ADAT2: variants seen among roughly 807,000 people sequenced by gnomAD.
The protein encoded by ADAT2 is adenosine deaminase tRNA specific 2.
Under a neutral mutation model 25.9 loss-of-function variants are expected in ADAT2, and 26 were observed. The observed-to-expected ratio is 1.00, with a 90% CI of 0.74 to 1.39. The LOEUF (loss-of-function observed/expected upper bound fraction) is 1.39, where lower values mean the gene tolerates loss of function less well. Ranked by LOEUF, ADAT2 falls within the 40% of genes most tolerant of loss-of-function variation. The pLI, the probability that ADAT2 is intolerant of heterozygous loss-of-function variation, is 0.00. For synonymous variants in ADAT2, 76 were observed against 86.8 expected, an observed-to-expected ratio of 0.88 and a Z score of 0.69; for missense variants, 220 against 244.8, an observed-to-expected ratio of 0.90 and a Z score of 0.68.
In ADAT2 at chr6:143,427,603, A is replaced by G. The variant is rs1246854055; in HGVS notation, c.*860T>C. 6.6e-6 allele frequency: 1 copy of G among 152,230 alleles called. No individual in the cohort carries two copies. The highest frequency in any genetic ancestry group is 2.4e-5 in the African/African-American group (1 of 41,470). 9.4% of individuals were successfully genotyped at this position (152,230 alleles called of 1,614,324 possible). On this transcript the variant is annotated 3_prime_UTR_variant, in exon 6 of 6. Coordinates refer to ENST00000237283, the MANE Select transcript of ADAT2 (RefSeq NM_182503.3). ...AAATTGATCATTCTATTTTTCAGTC[A>G]GCATTCTCACCACCAAATGGCACCT...
intron 2 of ADAT2, among the ~76,000 whole-genome samples, chr6:143,435,108 C>A (rs56336947): frequency 7.0e-6 from 1 of 142,714 alleles, no homozygotes; most frequent in Non-Finnish European, 1.5e-5. Flanking sequence ...AGGTACTTTA[C>A]AGAAGAGGTT....
Position 143,428,803 on chromosome 6 carries a change from G to A in ADAT2, c.460-119C>T. The A allele has an allele frequency of 1.1e-6, 1 of 936,922 alleles. No individual in the cohort carries two copies. Among genetic ancestry groups the A allele is most frequent in the Non-Finnish European group, 1.6e-6 (1 of 629,662 alleles). The allele number at this position is 936,922 out of a possible 1,614,324, so 58.0% of individuals were successfully genotyped here. A position where few individuals can be genotyped will look rare whatever the true frequency, so the allele number is the denominator to read the frequency against. ...CAGATTTCAGATGTTAATAAACTTTGGGGATATTAGTAACATGGGTAAGGA... is the reference window on the plus strand; with the variant it reads ...CAGATTTCAGATGTTAATAAACTTTAGGGATATTAGTAACATGGGTAAGGA... On this transcript the variant is annotated intron_variant, in intron 4 of 5. Transcript: ENST00000237283. This position sits in a 1 kb window ranked among gnomAD's most constrained non-coding sequence, Gnocchi z 5.0.
rs759872182 is a variant in ADAT2 at position 143,429,093 on chromosome 6, CA to C, written c.460-410del. On this transcript the variant is annotated intron_variant, in intron 4 of 5. Coordinates refer to ENST00000237283, the MANE Select transcript of ADAT2 (RefSeq NM_182503.3). ...AGGCACATCATAAGTGCTCATTAAGCATTAGTTATTTTTATCTGCTCCTATT... is the reference window on the plus strand; with the variant it reads ...AGGCACATCATAAGTGCTCATTAAGCTTAGTTATTTTTATCTGCTCCTATT... 3.9e-5 allele frequency among the ~76,000 whole-genome samples: 6 copies of C among 152,320 alleles called. No individual in the cohort carries two copies. In the East Asian group the frequency reaches 7.7e-4, roughly 20 times the overall value.
At chr6:143,450,229 C>T (rs1281453776) in intron 1 of ADAT2, among the ~76,000 whole-genome samples, 2 of 152,086 alleles carry the variant, frequency 1.3e-5, no homozygotes, top group Non-Finnish European at 2.9e-5. Flanking sequence ...GGGCCAAAAC[C>T]TCAAATAATG....
In ADAT2 at chr6:143,423,548, G is replaced by A. The variant is rs1778840943; in HGVS notation, c.*4915C>T. On this transcript the variant is annotated 3_prime_UTR_variant, in exon 6 of 6. Coordinates refer to ENST00000237283, the MANE Select transcript of ADAT2 (RefSeq NM_182503.3). ...TTAAGGTAAGGAAGACTTAATTCAG[G>A]ACTACAGTGATAGGTTTTAAAACTA... 6.6e-6 allele frequency: 1 copy of A among 152,142 alleles called. No individual in the cohort carries two copies. Among genetic ancestry groups the A allele is most frequent in the South Asian group, 2.1e-4 (1 of 4,828 alleles). 9.4% of individuals were successfully genotyped at this position (152,142 alleles called of 1,614,324 possible). A position where few individuals can be genotyped will look rare whatever the true frequency, so the allele number is the denominator to read the frequency against.
chr6:143,428,969 C>T lies in ADAT2; in HGVS notation c.460-285G>A, dbSNP rs1029041818. Reference sequence around the variant, plus strand: ...CAGCTTTGTGATCTTGGGTTAGGCACTTAAACTCTCCATGCCTTATTTATA... The same window carrying T: ...CAGCTTTGTGATCTTGGGTTAGGCATTTAAACTCTCCATGCCTTATTTATA... On this transcript the variant is annotated intron_variant, in intron 4 of 5. Transcript: ENST00000237283. The surrounding 1 kb of genome is among the most constrained non-coding windows in gnomAD (Gnocchi z 5.0). 2.0e-5 allele frequency among the ~76,000 whole-genome samples: 3 copies of T among 152,180 alleles called. No individual in the cohort carries two copies. The highest frequency in any genetic ancestry group is 4.8e-5 in the African/African-American group (2 of 41,430).
In ADAT2 at chr6:143,438,555, T is replaced by C. The variant is rs759194243; in HGVS notation, c.201+35A>G. 3.9e-6 allele frequency: 6 copies of C among 1,522,878 alleles called. No homozygotes were observed. The East Asian group carries it at 9.0e-5, about 23-fold the overall frequency. The allele number at this position is 1,522,878 out of a possible 1,614,324, so 94.3% of individuals were successfully genotyped here. A position where few individuals can be genotyped will look rare whatever the true frequency, so the allele number is the denominator to read the frequency against. ...TTCTCTCCAGTCCACCCATCACTACTGTATGTTTGCAATTATACTGCTCAA... is the reference window on the plus strand; with the variant it reads ...TTCTCTCCAGTCCACCCATCACTACCGTATGTTTGCAATTATACTGCTCAA... On this transcript the variant is annotated intron_variant, in intron 2 of 5. Transcript: ENST00000237283.
intron 4 of ADAT2, among the ~76,000 whole-genome samples, chr6:143,430,306 G>T (rs986354252): frequency 6.6e-6 from 1 of 152,104 alleles, no homozygotes; most frequent in Admixed American, 6.6e-5. Context: ...CTGCTCAGGA[G>T]AACCAGTTGG....
chr6:143,428,782 T>G lies in ADAT2; in HGVS notation c.460-98A>C. 3 of 1,145,468 alleles carry G rather than the reference T, an allele frequency of 2.6e-6. No homozygotes were observed. The highest frequency in any genetic ancestry group is 3.7e-6 in the Non-Finnish European group (3 of 802,688). The allele number at this position is 1,145,468 out of a possible 1,614,324, so 71.0% of individuals were successfully genotyped here. On this transcript the variant is annotated intron_variant, in intron 4 of 5. Transcript: ENST00000237283. This position sits in a 1 kb window ranked among gnomAD's most constrained non-coding sequence, Gnocchi z 5.0. ...ATATATACATGATTATGTAAACAGA[T>G]TTCAGATGTTAATAAACTTTGGGGA...
chr6:143,437,045 T>C lies in ADAT2; in HGVS notation c.201+1545A>G, dbSNP rs2128741355. Reference sequence around the variant, plus strand: ...TTTCTAATTCTACACTTCGATCTACTATTTTTCATAAGCAAATTGATAAAA... The same window carrying C: ...TTTCTAATTCTACACTTCGATCTACCATTTTTCATAAGCAAATTGATAAAA... On this transcript the variant is annotated intron_variant, in intron 2 of 5. Transcript: ENST00000237283. This position sits in a 1 kb window ranked among gnomAD's most constrained non-coding sequence, Gnocchi z 4.1. Among the ~76,000 whole-genome samples, 1 of 150,314 alleles carries C rather than the reference T, an allele frequency of 6.7e-6. No homozygotes were observed. Among genetic ancestry groups the C allele is most frequent in the East Asian group, 1.9e-4 (1 of 5,190 alleles).
chr6:143,443,918 T>C (rs1366771089), intron 1 of ADAT2, among the ~76,000 whole-genome samples: 1 of 151,004 alleles, frequency 6.6e-6, no homozygotes, highest in African/African-American at 2.4e-5. Context: ...TGTAAAAATA[T>C]CTCCTGAAGA....
chr6:143,435,169 A>AAAG (rs1779233079), intron 2 of ADAT2, among the ~76,000 whole-genome samples: 2 of 152,014 alleles, frequency 1.3e-5, no homozygotes, highest in Admixed American at 6.6e-5. Context: ...AAAAAAAAAA[A>AAAG]AAAAAAAAGG....
intron 1 of ADAT2, among the ~76,000 whole-genome samples, chr6:143,450,081 A>AG (rs532858273): frequency 3.9e-5 from 6 of 152,160 alleles, no homozygotes; most frequent in Non-Finnish European, 7.3e-5. Context: ...GCAGTCCTGA[A>AG]GGGAGTGAGG....
rs1778827103 is a variant in ADAT2 at position 143,422,965 on chromosome 6, A to C, written c.*5498T>G. 6.6e-6 allele frequency: 1 copy of C among 152,262 alleles called. No individual in the cohort carries two copies. The highest frequency in any genetic ancestry group is 2.4e-5 in the African/African-American group (1 of 41,470). 9.4% of individuals were successfully genotyped at this position (152,262 alleles called of 1,614,324 possible). A position where few individuals can be genotyped will look rare whatever the true frequency, so the allele number is the denominator to read the frequency against. ...GCCAGAAAACATATTTTGGTATCTTAGATTTTTCCTTTACATTTATAGACC... is the reference window on the plus strand; with the variant it reads ...GCCAGAAAACATATTTTGGTATCTTCGATTTTTCCTTTACATTTATAGACC... On this transcript the variant is annotated 3_prime_UTR_variant, in exon 6 of 6. Transcript: ENST00000237283. The surrounding 1 kb of genome is among the most constrained non-coding windows in gnomAD (Gnocchi z 4.3).
rs981279561 is a variant in ADAT2 at position 143,424,806 on chromosome 6, C to T, written c.*3657G>A. ...ATGCAATCAAATAATTTAATAGTTGCTTTGAAATTTATGTCATTAATTTTC... is the reference window on the plus strand; with the variant it reads ...ATGCAATCAAATAATTTAATAGTTGTTTTGAAATTTATGTCATTAATTTTC... On this transcript the variant is annotated 3_prime_UTR_variant, in exon 6 of 6. Coordinates refer to ENST00000237283, the MANE Select transcript of ADAT2 (RefSeq NM_182503.3). This position sits in a 1 kb window ranked among gnomAD's most constrained non-coding sequence, Gnocchi z 4.8. 1.3e-5 allele frequency: 2 copies of T among 152,130 alleles called. No homozygotes were observed. The highest frequency in any genetic ancestry group is 3.9e-4 in the East Asian group (2 of 5,190). The allele number at this position is 152,130 out of a possible 1,614,324, so 9.4% of individuals were successfully genotyped here. A position where few individuals can be genotyped will look rare whatever the true frequency, so the allele number is the denominator to read the frequency against.
At position 143,432,550 on chromosome 6, in the gene ADAT2, T is replaced by C. The variant is rs756971845; in HGVS notation, c.414A>G (p.Leu138=). The C allele has an allele frequency of 6.2e-7, 1 of 1,614,226 alleles. No individual in the cohort carries two copies. Among genetic ancestry groups the C allele is most frequent in the South Asian group, 1.1e-5 (1 of 91,088 alleles). Residue 138 remains leucine, a synonymous_variant, in exon 4 of 6, where the codon CTA becomes CTG. Coordinates refer to ENST00000237283, the MANE Select transcript of ADAT2 (RefSeq NM_182503.3). The surrounding 1 kb of genome is among the most constrained non-coding windows in gnomAD (Gnocchi z 4.4). ...NERFGGCGSV[L]NIASADLPNT... is the part of the protein sequence containing the mutation. Reference sequence around the variant, plus strand: ...TTGGTAGGTCAGCAGAGGCAATATTTAGAACAGAGCCACAACCACCAAATC... The same window carrying C: ...TTGGTAGGTCAGCAGAGGCAATATTCAGAACAGAGCCACAACCACCAAATC...
At chr6:143,448,318 G>GT (rs1378716988) in intron 1 of ADAT2, among the ~76,000 whole-genome samples, 38 of 152,168 alleles carry the variant, frequency 2.5e-4, no homozygotes, top group African/African-American at 7.9e-4. Context: ...GAGTTAATGG[G>GT]TGCAGCACAC....
Position 143,442,472 on chromosome 6 carries a change from C to T in ADAT2, c.97-3778G>A, listed in dbSNP as rs111428426. On this transcript the variant is annotated intron_variant, in intron 1 of 5. Coordinates refer to ENST00000237283, the MANE Select transcript of ADAT2 (RefSeq NM_182503.3). The surrounding 1 kb of genome is among the most constrained non-coding windows in gnomAD (Gnocchi z 4.6). ...TAAACATGACAAAATTGCATAGGCA[C>T]GCATACACACACACACACACACACA... Among the ~76,000 whole-genome samples, 2,379 of 135,984 alleles carry T rather than the reference C, an allele frequency of 0.017. 62 individuals carry two copies. The highest frequency in any genetic ancestry group is 0.062 in the African/African-American group (2,273 of 36,698). The allele number at this position is 135,984 out of a possible 152,430, so 89.2% of individuals were successfully genotyped here.
In ADAT2 at chr6:143,446,091, A is replaced by C. The variant is rs1471232629; in HGVS notation, c.96+4472T>G. 6.6e-6 allele frequency among the ~76,000 whole-genome samples: 1 copy of C among 150,706 alleles called. No homozygotes were observed. Among genetic ancestry groups the C allele is most frequent in the Non-Finnish European group, 1.5e-5 (1 of 67,832 alleles). On this transcript the variant is annotated intron_variant, in intron 1 of 5. Coordinates refer to ENST00000237283, the MANE Select transcript of ADAT2 (RefSeq NM_182503.3). The surrounding 1 kb of genome is among the most constrained non-coding windows in gnomAD (Gnocchi z 5.0). ...AAACCTCATGTATCAAAAAAAAAAA[A>C]CCCACTAAGAATCCCAATACCCCAA...
Sources: allele counts gnomAD v4.1 joint callset (sites outside exome capture counted in the v4.1 genomes callset), GRCh38; gene constraint gnomAD v4.1.1; non-coding constraint Gnocchi (gnomAD v3.1); transcripts MANE v1.5; gene names NCBI Gene and HGNC (gene_info 2026-07-23, HGNC 2026-07-21).